Variants in SMR3B observed in about 807,000 individuals in gnomAD.
SMR3B encodes the protein submaxillary gland androgen regulated protein 3B.
For synonymous variants in SMR3B, 42 were observed against 36.1 expected (o/e 1.16, Z -0.59); for missense variants, 114 against 99.9 (o/e 1.14, Z -0.60).
chr4:70,385,992 G>A (rs1266503803), intron 2 of SMR3B, among the ~76,000 whole-genome samples: 1 of 150,942 alleles, frequency 6.6e-6, no homozygotes, highest in Admixed American at 6.6e-5. Context: ...TAACTTTCTG[G>A]GCCAGGCACG....
Position 70,389,686 on chromosome 4 carries a change from C to T in SMR3B, c.78C>T (p.Pro26=). ...AGCCTGGTGAGAGTCAAAGAGGCCC[C>T]AGGGGACCATATCCACCTGGACCGC... is the stretch of plus-strand genomic sequence containing the variant. The part of the protein sequence containing the change: ...CFTPGESQRG[P]RGPYPPGPLA... The change falls in exon 3 of 3, where the codon CCC becomes CCT. Residue 26 remains proline (P), a synonymous_variant. Coordinates refer to ENST00000304915, the MANE Select transcript of SMR3B (RefSeq NM_006685.4). 1.2e-6 allele frequency: 2 copies of T among 1,614,106 alleles called. No individual in the cohort carries two copies. Among genetic ancestry groups the T allele is most frequent in the Non-Finnish European group, 1.7e-6 (2 of 1,180,026 alleles).
intron 2 of SMR3B, 51 bp from the exon 3 acceptor site, chr4:70,389,612 A>G: frequency 6.4e-7 from 1 of 1,565,748 alleles, no homozygotes. Flanking sequence ...TCACCCTTAT[A>G]TTTAACTGTG....
chr4:70,389,285 G>T (rs1410351120), intron 2 of SMR3B, among the ~76,000 whole-genome samples: 3 of 152,020 alleles, frequency 2.0e-5, no homozygotes, highest in African/African-American at 7.3e-5. Flanking sequence ...AGCTTGTATG[G>T]TTGTTGGCAG....
intron 2 of SMR3B, among the ~76,000 whole-genome samples, chr4:70,387,446 G>A (rs998418297): frequency 4.6e-5 from 7 of 152,220 alleles, no homozygotes; most frequent in Admixed American, 4.6e-4. Context: ...GAACATAAAT[G>A]ATAGTTGTTT....
At chr4:70,386,848 T>A (rs1315579983) in intron 2 of SMR3B, among the ~76,000 whole-genome samples, 1 of 152,210 alleles carries the variant, frequency 6.6e-6, no homozygotes, top group Non-Finnish European at 1.5e-5. Flanking sequence ...CAATTAAAAA[T>A]CAAGTCCTGA....
chr4:70,386,652 C>G (rs995103666), intron 2 of SMR3B, among the ~76,000 whole-genome samples: 3 of 152,062 alleles, frequency 2.0e-5, no homozygotes, highest in Non-Finnish European at 4.4e-5. Flanking sequence ...TACCTTTAGC[C>G]AGTTGCGGAA....
chr4:70,387,308 A>G (rs1196216988), intron 2 of SMR3B, among the ~76,000 whole-genome samples: 2 of 152,242 alleles, frequency 1.3e-5, no homozygotes, highest in East Asian at 1.9e-4. Flanking sequence ...GTGTCATTAC[A>G]GTAATTTGGG....
intron 2 of SMR3B, among the ~76,000 whole-genome samples, chr4:70,388,041 C>T (rs1732694473): frequency 6.6e-6 from 1 of 152,108 alleles, no homozygotes; most frequent in Non-Finnish European, 1.5e-5. Context: ...CTGTGTAAAC[C>T]ATCTGCTCCA....
chr4:70,386,432 G>C (rs1466693033), intron 2 of SMR3B, among the ~76,000 whole-genome samples: 2 of 145,300 alleles, frequency 1.4e-5, no homozygotes, highest in African/African-American at 2.5e-5. Context: ...TTACGTGTGT[G>C]TGTATATGTA....
intron 2 of SMR3B, among the ~76,000 whole-genome samples, chr4:70,387,146 A>G (rs1395657609): frequency 1.3e-5 from 2 of 152,224 alleles, no homozygotes; most frequent in East Asian, 1.9e-4. Context: ...AGGTGACAAG[A>G]AAATCAACAA....
intron 2 of SMR3B, chr4:70,384,798 A>T: frequency 1.6e-6 from 1 of 641,078 alleles, no homozygotes; most frequent in East Asian, 3.3e-5. Flanking sequence ...TGCATTAAAC[A>T]GATACGTATA....
intron 2 of SMR3B, among the ~76,000 whole-genome samples, chr4:70,387,055 A>G (rs1732678274): frequency 6.6e-6 from 1 of 152,242 alleles, no homozygotes; most frequent in African/African-American, 2.4e-5. Context: ...GCCAGGTTGA[A>G]GAGCAAATGG....
rs1732738169 is a variant in SMR3B, at chr4:70,390,153, G to A, written c.*305G>A. 2 of 662,906 alleles carry A rather than the reference G, an allele frequency of 3.0e-6. No individual in the cohort carries two copies. Among genetic ancestry groups the A allele is most frequent in the Admixed American group, 4.8e-5 (2 of 41,826 alleles). The allele number at this position is 662,906 out of a possible 1,614,324, so 41.1% of individuals were successfully genotyped here. A position where few individuals can be genotyped will look rare whatever the true frequency, so the allele number is the denominator to read the frequency against. ...AAAATTCCAAAAGTGCTGAGCTTTG[G>A]GGAGAAATAATCTTAGAAAGAAATT... On this transcript the variant is annotated 3_prime_UTR_variant, in exon 3 of 3. Transcript: ENST00000304915.
chr4:70,384,780 T>C, intron 2 of SMR3B: 1 of 865,324 alleles, frequency 1.2e-6, no homozygotes. Flanking sequence ...AAGTCTGTGG[T>C]ATCAGACTGC....
intron 2 of SMR3B, 141 bp from the exon 3 acceptor site, chr4:70,389,522 G>C: frequency 1.3e-6 from 1 of 776,450 alleles, no homozygotes; most frequent in Non-Finnish European, 2.0e-6. Flanking sequence ...GGGCTCACCT[G>C]ATAAGGTCAG....
At chr4:70,385,960 T>A (rs1332202240) in intron 2 of SMR3B, among the ~76,000 whole-genome samples, 2 of 151,950 alleles carry the variant, frequency 1.3e-5, no homozygotes, top group Non-Finnish European at 2.9e-5. Context: ...AATTTTTTTT[T>A]ATAAGATTAA....
At chr4:70,385,473 G>A (rs6826278) in intron 2 of SMR3B, among the ~76,000 whole-genome samples, 2 of 147,710 alleles carry the variant, frequency 1.4e-5, no homozygotes, top group East Asian at 4.0e-4. Flanking sequence ...GCGCGATCTC[G>A]GCTCACTGCA....
chr4:70,384,539 T>C lies in SMR3B; in HGVS notation c.29T>C (p.Leu10Pro), dbSNP rs764813363. 4 of 1,610,888 alleles carry C rather than the reference T, an allele frequency of 2.5e-6. No homozygotes were observed. In the South Asian group the frequency reaches 4.4e-5, roughly 18 times the overall value. The change falls in exon 2 of 3, where the codon CTT becomes CCT. Residue 10 changes from leucine (L) to proline (P), a missense_variant. By Grantham distance (98) the Leu-to-Pro change is moderately conservative (BLOSUM62 -3). Coordinates refer to ENST00000304915, the MANE Select transcript of SMR3B (RefSeq NM_006685.4). Reference sequence around the variant, plus strand: ...AAATCACTGACTTGGATCTTGGGCCTTTGGGCTCTTGCAGCGTGTTTCACA... The same window carrying C: ...AAATCACTGACTTGGATCTTGGGCCCTTGGGCTCTTGCAGCGTGTTTCACA... MKSLTWILGLWALAACFTPG... is the reference protein window; with the variant it reads MKSLTWILGPWALAACFTPG...
chr4:70,389,388 G>T (rs764194283), intron 2 of SMR3B, among the ~76,000 whole-genome samples: 6 of 152,124 alleles, frequency 3.9e-5, no homozygotes, highest in Non-Finnish European at 7.4e-5. Context: ...AGTCTACCAT[G>T]TACCTCCACA....
Sources: allele counts gnomAD v4.1 joint callset (sites outside exome capture counted in the v4.1 genomes callset), GRCh38; gene constraint gnomAD v4.1.1; transcripts MANE v1.5; gene names NCBI Gene and HGNC (gene_info 2026-07-23, HGNC 2026-07-21).